SLC10A7: variants seen among roughly 807,000 people sequenced by gnomAD.
SLC10A7 encodes the protein solute carrier family 10 member 7, also known as sodium/bile acid cotransporter 7.
SLC10A7 carries 29 observed loss-of-function variants against 43.2 expected under a neutral mutation model. That is an observed-to-expected ratio of 0.67 (90% confidence interval 0.50 to 0.92). The LOEUF (loss-of-function observed/expected upper bound fraction) is 0.92. Ranked by LOEUF, SLC10A7 falls within the 40% of genes least tolerant of loss-of-function variation. The probability of loss-of-function intolerance (pLI) is 0.00; values close to 1 mark genes in which losing one functional copy is unlikely to be tolerated. For synonymous variants in SLC10A7, 152 were observed against 144.8 expected (o/e 1.05, Z -0.35); for missense variants, 295 against 403.2 (o/e 0.73, Z 2.30).
intron 9 of SLC10A7, among the ~76,000 whole-genome samples, chr4:146,287,129 T>A (rs1043485351): frequency 2.0e-5 from 3 of 147,138 alleles, no homozygotes; most frequent in Admixed American, 6.7e-5. Flanking sequence ...AGAAGGACCG[T>A]GTCTGGAGTG....
chr4:146,363,627 T>A (rs78133728), intron 5 of SLC10A7, among the ~76,000 whole-genome samples: 3,330 of 152,112 alleles, frequency 0.022, 114 homozygotes, highest in African/African-American at 0.076. Flanking sequence ...TCAAACAATT[T>A]AAAAAAATGA....
chr4:146,277,374 T>A (rs1326175262), intron 10 of SLC10A7, among the ~76,000 whole-genome samples: 1 of 152,184 alleles, frequency 6.6e-6, no homozygotes, highest in African/African-American at 2.4e-5. Context: ...AGATACCATA[T>A]TCTGAATAAA....
At chr4:146,300,294 C>A (rs751714747) in intron 7 of SLC10A7, among the ~76,000 whole-genome samples, 7 of 152,122 alleles carry the variant, frequency 4.6e-5, no homozygotes, top group Non-Finnish European at 4.4e-5. Flanking sequence ...GCTATAGCCC[C>A]ATAGCACTTT....
chr4:146,427,928 T>C (rs777499546), intron 5 of SLC10A7, among the ~76,000 whole-genome samples: 2 of 152,026 alleles, frequency 1.3e-5, no homozygotes, highest in Non-Finnish European at 2.9e-5. Flanking sequence ...CCTAGCACTT[T>C]AGGAGGTTGA....
chr4:146,268,856 A>G (rs894500921), intron 10 of SLC10A7, among the ~76,000 whole-genome samples: 14 of 152,174 alleles, frequency 9.2e-5, no homozygotes, highest in African/African-American at 3.1e-4. Flanking sequence ...GGTACTTAGG[A>G]ACCCTAAAAA....
chr4:146,288,262 G>T (rs1324690299), intron 9 of SLC10A7, among the ~76,000 whole-genome samples: 1 of 152,198 alleles, frequency 6.6e-6, no homozygotes, highest in Non-Finnish European at 1.5e-5. Flanking sequence ...GGGGAAAGCT[G>T]ATAGAGCAGA....
At chr4:146,258,974 A>G (rs990500263) in intron 10 of SLC10A7, 137 bp from the exon 11 acceptor site, 2 of 987,334 alleles carry the variant, frequency 2.0e-6, no homozygotes, top group Non-Finnish European at 2.9e-6. Context: ...CTGAAATGGG[A>G]AAGTCTGAAA....
At chr4:146,349,724 T>C (rs1734884962) in intron 5 of SLC10A7, among the ~76,000 whole-genome samples, 1 of 152,154 alleles carries the variant, frequency 6.6e-6, no homozygotes, top group Non-Finnish European at 1.5e-5. Flanking sequence ...TGGATGCAGC[T>C]GGAGGCCATT....
At chr4:146,393,810 G>A (rs1001694700) in intron 5 of SLC10A7, among the ~76,000 whole-genome samples, 1 of 151,904 alleles carries the variant, frequency 6.6e-6, no homozygotes, top group African/African-American at 2.4e-5. Context: ...AATATAAAAT[G>A]TATGAAACTA....
At chr4:146,416,527 C>T (rs1728577240) in intron 5 of SLC10A7, among the ~76,000 whole-genome samples, 2 of 152,156 alleles carry the variant, frequency 1.3e-5, no homozygotes, top group South Asian at 4.1e-4. Context: ...TCTCCAAGAA[C>T]TTACATCCTG....
intron 5 of SLC10A7, among the ~76,000 whole-genome samples, chr4:146,384,798 T>C (rs1737872781): frequency 6.6e-6 from 1 of 152,064 alleles, no homozygotes; most frequent in Non-Finnish European, 1.5e-5. Flanking sequence ...AAGGAAAACA[T>C]GACAAACTTA....
chr4:146,406,540 C>T (rs1727710965), intron 5 of SLC10A7, among the ~76,000 whole-genome samples: 2 of 152,200 alleles, frequency 1.3e-5, no homozygotes, highest in Non-Finnish European at 2.9e-5. Context: ...GATCTCCACA[C>T]TCTGCTATGA....
In SLC10A7 at chr4:146,402,861, G is replaced by T. The variant is rs142877845; in HGVS notation, c.435+39922C>A. Among the ~76,000 whole-genome samples, 319 of 152,256 alleles carry T rather than the reference G, an allele frequency of 2.1e-3. 3 individuals carry two copies. Among genetic ancestry groups the T allele is most frequent in the African/African-American group, 7.3e-3 (303 of 41,552 alleles). On this transcript the variant is annotated intron_variant, in intron 5 of 11. Coordinates refer to ENST00000335472, the MANE Select transcript of SLC10A7 (RefSeq NM_001029998.6). ...GTCTTTTCTCTCTGTTTCACCTGAA[G>T]ATTTTCTCTTTGAACAGTGTATGTA...
intron 5 of SLC10A7, among the ~76,000 whole-genome samples, chr4:146,374,013 A>T (rs1736981303): frequency 6.6e-6 from 1 of 152,228 alleles, no homozygotes; most frequent in South Asian, 2.1e-4. Flanking sequence ...AAATACATGA[A>T]GCAAAAACTG....
At chr4:146,437,979 C>A (rs1730325830) in intron 5 of SLC10A7, among the ~76,000 whole-genome samples, 1 of 151,500 alleles carries the variant, frequency 6.6e-6, no homozygotes, top group Non-Finnish European at 1.5e-5. Flanking sequence ...TCAGGAGTCA[C>A]CAAAAACAAT....
intron 2 of SLC10A7, chr4:146,514,415 G>A (rs960985424): frequency 3.9e-5 from 6 of 152,136 alleles, no homozygotes; most frequent in Non-Finnish European, 8.8e-5. Context: ...CAGGTTTGAA[G>A]TGAACTAAAT....
At chr4:146,470,740 G>A (rs1162569291) in intron 4 of SLC10A7, among the ~76,000 whole-genome samples, 2 of 152,140 alleles carry the variant, frequency 1.3e-5, no homozygotes, top group South Asian at 2.1e-4. Context: ...CTAGACTATG[G>A]AGCCTATAAC....
At chr4:146,343,577 T>C (rs1359269545) in intron 5 of SLC10A7, among the ~76,000 whole-genome samples, 3 of 152,166 alleles carry the variant, frequency 2.0e-5, no homozygotes, top group Non-Finnish European at 2.9e-5. Flanking sequence ...ATATTAATGA[T>C]GTGGGAGATA....
At chr4:146,305,303 T>C (rs1182754838) in intron 7 of SLC10A7, among the ~76,000 whole-genome samples, 6 of 151,494 alleles carry the variant, frequency 4.0e-5, no homozygotes, top group Admixed American at 3.9e-4. Flanking sequence ...GAAATCATCA[T>C]TCTCAGTAAA....
Sources: allele counts gnomAD v4.1 joint callset (sites outside exome capture counted in the v4.1 genomes callset), GRCh38; gene constraint gnomAD v4.1.1; transcripts MANE v1.5; gene names NCBI Gene and HGNC (gene_info 2026-07-23, HGNC 2026-07-21).